Variants in KCNQ1 observed in about 807,000 individuals in gnomAD.
The protein encoded by KCNQ1 is potassium voltage-gated channel subfamily Q member 1.
A neutral mutation model predicts 72.4 loss-of-function variants in KCNQ1; 49 were observed. The ratio of observed to expected loss-of-function variants is 0.68; its 90% CI spans 0.54 to 0.86. KCNQ1 has a LOEUF of 0.86. Ranked by LOEUF, KCNQ1 falls within the 40% of genes least tolerant of loss-of-function variation. The pLI is 0.00. For synonymous variants in KCNQ1, 450 were observed against 412.6 expected (o/e 1.09, Z -1.10); for missense variants, 790 against 945.1 (o/e 0.84, Z 2.15).
intron 6 of KCNQ1, among the ~76,000 whole-genome samples, chr11:2,581,530 G>GCCTCACCCATGGCCTGGCTTCAC (rs1270813627): frequency 6.6e-6 from 1 of 152,218 alleles, no homozygotes. Context: ...GCCACTGTCA[G>GCCTCACCCATGGCCTGGCTTCAC]CCTCACCCAT....
At chr11:2,733,851 C>CGCTCTT (rs762297859) in intron 11 of KCNQ1, among the ~76,000 whole-genome samples, 11,446 of 70,546 alleles carry the variant, frequency 0.16, 1,209 homozygotes, top group South Asian at 0.25. Flanking sequence ...CTCTCTCTCT[C>CGCTCTT]TCTCTCCCCC....
In KCNQ1 at chr11:2,698,949, G is replaced by A. The variant is rs779319084; in HGVS notation, c.1514+36868G>A. ...TAGACCCGAATTCTGATCCCAACTA[G>A]GATACCTAACTCAGAACCACAACGG... On this transcript the variant is annotated intron_variant, in intron 11 of 15. Coordinates refer to ENST00000155840, the MANE Select transcript of KCNQ1 (RefSeq NM_000218.3). This position sits in a 1 kb window ranked among gnomAD's most constrained non-coding sequence, Gnocchi z 5.1. The A allele has an allele frequency of 7.5e-6, 3 of 398,542 alleles. No individual in the cohort carries two copies. The highest frequency in any genetic ancestry group is 1.3e-5 in the Non-Finnish European group (3 of 226,060). The allele number at this position is 398,542 out of a possible 1,614,324, so 24.7% of individuals were successfully genotyped here. A position where few individuals can be genotyped will look rare whatever the true frequency, so the allele number is the denominator to read the frequency against.
At chr11:2,770,467 T>C (rs1846574155) in intron 12 of KCNQ1, among the ~76,000 whole-genome samples, 1 of 152,236 alleles carries the variant, frequency 6.6e-6, no homozygotes, top group Non-Finnish European at 1.5e-5. Flanking sequence ...AAGAGCAGTA[T>C]GCGGGCCCTC....
At chr11:2,560,332 T>C (rs1173232979) in intron 2 of KCNQ1, among the ~76,000 whole-genome samples, 1 of 39,586 alleles carries the variant, frequency 2.5e-5, no homozygotes, top group Non-Finnish European at 4.3e-5. Context: ...AACAGGGGGG[T>C]GACGTCCATC....
chr11:2,789,241 G>T (rs753478898), intron 15 of KCNQ1, among the ~76,000 whole-genome samples: 1 of 151,996 alleles, frequency 6.6e-6, no homozygotes, highest in Non-Finnish European at 1.5e-5. Flanking sequence ...GCATGGGTGC[G>T]GAAGAGCAGA....
chr11:2,667,550 GGA>G (rs1850100771), intron 11 of KCNQ1: 1 of 369,846 alleles, frequency 2.7e-6, no homozygotes, highest in African/African-American at 2.1e-5. Flanking sequence ...ATATTGTCAT[GGA>G]GACACTTCTG....
At position 2,768,764 on chromosome 11, in the gene KCNQ1, C is replaced by T; in HGVS notation, c.1515-80C>T. On this transcript the variant is annotated intron_variant, in intron 11 of 15. Transcript: ENST00000155840. This position sits in a 1 kb window ranked among gnomAD's most constrained non-coding sequence, Gnocchi z 6.7. ...TCTGGAAGGATCCAGTCTGCGTGCT[C>T]CTCAGGCAGTGCAGGGGCAGTGAGG... 9.4e-7 allele frequency: 1 copy of T among 1,068,404 alleles called. No individual in the cohort carries two copies. The highest frequency in any genetic ancestry group is 1.5e-6 in the Non-Finnish European group (1 of 682,494). 66.2% of individuals were successfully genotyped at this position (1,068,404 alleles called of 1,614,324 possible). A position where few individuals can be genotyped will look rare whatever the true frequency, so the allele number is the denominator to read the frequency against.
At chr11:2,689,994 C>CA in intron 11 of KCNQ1, 1 of 398,856 alleles carries the variant, frequency 2.5e-6, no homozygotes, top group Non-Finnish European at 4.4e-6. Flanking sequence ...TTTGCCCAAG[C>CA]AGAGAACTGT....
intron 6 of KCNQ1, among the ~76,000 whole-genome samples, chr11:2,578,309 C>G (rs1848451397): frequency 6.6e-6 from 1 of 152,236 alleles, no homozygotes; most frequent in African/African-American, 2.4e-5. Flanking sequence ...GCCACGGTGC[C>G]AGCCCAGCCT....
intron 11 of KCNQ1, chr11:2,681,251 T>A (rs1257177626): frequency 5.0e-6 from 2 of 398,464 alleles, no homozygotes; most frequent in Non-Finnish European, 8.8e-6. Flanking sequence ...TATTCCTGCC[T>A]CCCCAGGAGA....
rs1038815512 is a variant in KCNQ1 at position 2,723,349 on chromosome 11, T to C, written c.1515-45495T>C. 1.3e-5 allele frequency among the ~76,000 whole-genome samples: 2 copies of C among 152,200 alleles called. No homozygotes were observed. Among genetic ancestry groups the C allele is most frequent in the African/African-American group, 4.8e-5 (2 of 41,456 alleles). On this transcript the variant is annotated intron_variant, in intron 11 of 15. Transcript: ENST00000155840. This position sits in a 1 kb window ranked among gnomAD's most constrained non-coding sequence, Gnocchi z 4.2. Reference sequence around the variant, plus strand: ...GGGACACTGCAACCCTCAAGACTCCTAGCAAGCCCCTCCGTCTCAGAGCCT... The same window carrying C: ...GGGACACTGCAACCCTCAAGACTCCCAGCAAGCCCCTCCGTCTCAGAGCCT...
chr11:2,778,095 C>T (rs946893027), intron 15 of KCNQ1, 58 bp downstream of exon 15: 11 of 1,520,012 alleles, frequency 7.2e-6, no homozygotes, highest in African/African-American at 5.5e-5. Flanking sequence ...CCAGCAGGCA[C>T]CTCCCTGTGG....
In KCNQ1 at chr11:2,570,625, C is replaced by A. The variant is rs1278285271; in HGVS notation, c.478-3C>A. ...CAGTGAGCGTCCCACTCTGTCCCTG[C>A]AGGAGATCGTGCTGGTGGTGTTCTT... On this transcript the variant is annotated splice_polypyrimidine_tract_variant and splice_region_variant and intron_variant, in intron 2 of 15. Transcript: ENST00000155840. 7 of 1,612,412 alleles carry A rather than the reference C, an allele frequency of 4.3e-6. No individual in the cohort carries two copies. The highest frequency in any genetic ancestry group is 2.2e-5 in the East Asian group (1 of 44,878).
At chr11:2,804,356 G>A (rs867825183) in intron 15 of KCNQ1, among the ~76,000 whole-genome samples, 1 of 152,212 alleles carries the variant, frequency 6.6e-6, no homozygotes, top group Non-Finnish European at 1.5e-5. Flanking sequence ...CAACTCAGTG[G>A]TAGAGCTGAG....
chr11:2,693,650 G>GGCTT lies in KCNQ1; in HGVS notation c.1514+31570_1514+31573dup, dbSNP rs2133894976. The GGCTT allele has an allele frequency of 7.5e-6, 3 of 398,668 alleles. No individual in the cohort carries two copies. In the Admixed American group the frequency reaches 1.3e-4, roughly 18 times the overall value. The allele number at this position is 398,668 out of a possible 1,614,324, so 24.7% of individuals were successfully genotyped here. ...GCCGTAGGAAAGGCTCTGGGAGAAA[G>GGCTT]GCTTTTAGTTCCGCAGACAGAGCAG... On this transcript the variant is annotated intron_variant, in intron 11 of 15. Transcript: ENST00000155840.
rs1847877613 is a variant in KCNQ1 at position 2,828,221 on chromosome 11, A to C, written c.1795-19546A>C. 6.6e-6 allele frequency among the ~76,000 whole-genome samples: 1 copy of C among 152,186 alleles called. No individual in the cohort carries two copies. The highest frequency in any genetic ancestry group is 2.4e-5 in the African/African-American group (1 of 41,442). ...AGCACCCAAGAAGAAAACTCTGAGAAGTCAGGACAGGAGATGGTGTCGTCA... is the reference window on the plus strand; with the variant it reads ...AGCACCCAAGAAGAAAACTCTGAGACGTCAGGACAGGAGATGGTGTCGTCA... On this transcript the variant is annotated intron_variant, in intron 15 of 15. Coordinates refer to ENST00000155840, the MANE Select transcript of KCNQ1 (RefSeq NM_000218.3). The surrounding 1 kb of genome is among the most constrained non-coding windows in gnomAD (Gnocchi z 5.3).
rs536988404 is a variant in KCNQ1 at position 2,746,584 on chromosome 11, G to A, written c.1515-22260G>A. 1.3e-5 allele frequency among the ~76,000 whole-genome samples: 2 copies of A among 152,302 alleles called. No homozygotes were observed. The highest frequency in any genetic ancestry group is 4.8e-5 in the African/African-American group (2 of 41,558). ...TGTAGGGTGTCCCTTACTAGGATCCGTCTGCTGCTGTCCTCACGATTCGAC... is the reference window on the plus strand; with the variant it reads ...TGTAGGGTGTCCCTTACTAGGATCCATCTGCTGCTGTCCTCACGATTCGAC... On this transcript the variant is annotated intron_variant, in intron 11 of 15. Transcript: ENST00000155840. This position sits in a 1 kb window ranked among gnomAD's most constrained non-coding sequence, Gnocchi z 5.9.
intron 10 of KCNQ1, chr11:2,640,085 G>A (rs368535162): frequency 3.5e-4 from 85 of 242,558 alleles, no homozygotes; most frequent in African/African-American, 1.8e-3. Flanking sequence ...GAGTGATCCA[G>A]TTTTCCAGGT....
rs1851025626 is a variant in KCNQ1 at position 2,712,670 on chromosome 11, G to T, written c.1514+50589G>T. Among the ~76,000 whole-genome samples the T allele has an allele frequency of 6.6e-6, 1 of 152,204 alleles. No individual in the cohort carries two copies. Among genetic ancestry groups the T allele is most frequent in the Non-Finnish European group, 1.5e-5 (1 of 68,022 alleles). ...GGGGCTGGCTAAGGCCCCCATCCCT[G>T]CTCAGGCCTACAGGAGAGCCCTGTG... On this transcript the variant is annotated intron_variant, in intron 11 of 15. Coordinates refer to ENST00000155840, the MANE Select transcript of KCNQ1 (RefSeq NM_000218.3). The surrounding 1 kb of genome is among the most constrained non-coding windows in gnomAD (Gnocchi z 6.4).
Sources: gnomAD v4.1 joint callset for allele counts (sites outside exome capture counted in the v4.1 genomes callset) on GRCh38, gnomAD v4.1.1 for gene constraint, Gnocchi (gnomAD v3.1) non-coding constraint, MANE v1.5 for transcripts, NCBI Gene and HGNC (gene_info 2026-07-23, HGNC 2026-07-21) for gene names.